The following ZFP62 variants were observed in gnomAD, a reference collection of about 807,000 sequenced individuals.
ZFP62 encodes ZFP62 zinc finger protein.
A neutral mutation model predicts 56.4 loss-of-function variants in ZFP62; 44 were observed. The observed-to-expected ratio is 0.78, with a 90% CI of 0.61 to 1.00. The LOEUF (loss-of-function observed/expected upper bound fraction) is 1.00. Ranked by LOEUF, ZFP62 falls within the 50% of genes least tolerant of loss-of-function variation. ZFP62 has a pLI of 0.00. For missense variants in ZFP62, 1,030 were observed against 1,085.7 expected (o/e 0.95, Z 0.72); for synonymous variants, 421 against 388.9 (o/e 1.08, Z -0.97).
In ZFP62 at chr5:180,849,319, C is replaced by G; in HGVS notation, c.2176G>C (p.Glu726Gln). ...CACTCAACACACTTGAAGGGTTTCTCCCCAAGATGGACTCTTTTATGGCTT... is the reference window on the plus strand; with the variant it reads ...CACTCAACACACTTGAAGGGTTTCTGCCCAAGATGGACTCTTTTATGGCTT... ...LISHKRVHLG[E>Q]KPFKCVECGK... The change falls in exon 2 of 2, where the codon GAG (glutamate) becomes CAG (glutamine). Residue 726 changes from glutamate (E) to glutamine (Q), a missense_variant. Physicochemically the swap from Glu to Gln is conservative, Grantham distance 29. Coordinates refer to ENST00000502412, the MANE Select transcript of ZFP62 (RefSeq NM_001172638.2). 6.4e-7 allele frequency: 1 copy of G among 1,552,200 alleles called. No individual in the cohort carries two copies. The highest frequency in any genetic ancestry group is 8.7e-7 in the Non-Finnish European group (1 of 1,147,146).
chr5:180,845,926 AAT>A (rs1439126256), downstream of ZFP62: 12 of 953,166 alleles, frequency 1.3e-5, no homozygotes, highest in South Asian at 1.5e-4. Flanking sequence ...CAAATTTGCT[AAT>A]AGAGACATGC....
Position 180,851,035 on chromosome 5 carries a change from A to C in ZFP62, c.460T>G (p.Ser154Ala), listed in dbSNP as rs1773675483. ...ATAATTTTATGTTGAACAAGGCGGGAATTATATTTGAAGGATTTCCCACAT... is the reference window on the plus strand; with the variant it reads ...ATAATTTTATGTTGAACAAGGCGGGCATTATATTTGAAGGATTTCCCACAT... ...DECGKSFKYN[S>A]RLVQHKIMHT... The change falls in exon 2 of 2, where the codon TCC (serine) becomes GCC (alanine). Residue 154 changes from serine (S) to alanine (A), a missense_variant. Ser to Ala is a moderately conservative substitution (Grantham distance 99, BLOSUM62 1). Transcript: ENST00000502412. 6.4e-7 allele frequency: 1 copy of C among 1,551,644 alleles called. No individual in the cohort carries two copies. The highest frequency in any genetic ancestry group is 8.7e-7 in the Non-Finnish European group (1 of 1,146,990).
chr5:180,829,792 G>T, the ZFP62 span, among the ~76,000 whole-genome samples: 1,291 of 152,202 alleles, frequency 8.5e-3, 15 homozygotes, highest in African/African-American at 0.022. Context: ...GACACTGAAA[G>T]CCCCGGCCAT....
rs1200295949 is a variant in ZFP62, at chr5:180,851,422, A to G, written c.73T>C (p.Ser25Pro). The G allele has an allele frequency of 4.5e-6, 7 of 1,551,450 alleles. No homozygotes were observed. In the Admixed American group the frequency reaches 7.8e-5, roughly 17 times the overall value. The change falls in exon 2 of 2, where the codon TCT becomes CCT. Residue 25 changes from serine (S) to proline (P), a missense_variant. Ser to Pro is a moderately conservative substitution (Grantham distance 74). Coordinates refer to ENST00000502412, the MANE Select transcript of ZFP62 (RefSeq NM_001172638.2). ...EEYENVGNAA[S>P]KWPKVEDPMP... Reference sequence around the variant, plus strand: ...GGATCCTCCACTTTTGGCCACTTAGATGCTGCATTTCCAACATTTTCATAT... The same window carrying G: ...GGATCCTCCACTTTTGGCCACTTAGGTGCTGCATTTCCAACATTTTCATAT...
In ZFP62 at chr5:180,848,383, T is replaced by C. The variant is rs760311944; in HGVS notation, c.*409A>G. On this transcript the variant is annotated 3_prime_UTR_variant, in exon 2 of 2. Transcript: ENST00000502412. ...AGTTTTCCCACTGACCAATGTGTAA[T>C]TGGGATTCAAAGCTATACCTGAATT... The C allele has an allele frequency of 9.1e-6, 9 of 992,556 alleles. No individual in the cohort carries two copies. The highest frequency in any genetic ancestry group is 1.7e-5 in the African/African-American group (1 of 57,438). The allele number at this position is 992,556 out of a possible 1,614,324, so 61.5% of individuals were successfully genotyped here. A position where few individuals can be genotyped will look rare whatever the true frequency, so the allele number is the denominator to read the frequency against.
chr5:180,847,332 G>A (rs1773438550), downstream of ZFP62, among the ~76,000 whole-genome samples: 1 of 149,838 alleles, frequency 6.7e-6, no homozygotes, highest in Admixed American at 6.7e-5. Context: ...GTTCCTGACA[G>A]AGCTGTGTGT....
chr5:180,856,756 C>G (rs1372028737), intron 1 of ZFP62, among the ~76,000 whole-genome samples: 1 of 151,474 alleles, frequency 6.6e-6, no homozygotes, highest in African/African-American at 2.4e-5. Context: ...AGATCGAGAC[C>G]ATCCTGGCTA....
chr5:180,828,179 C>T, the ZFP62 span, among the ~76,000 whole-genome samples: 4 of 152,200 alleles, frequency 2.6e-5, no homozygotes, highest in Non-Finnish European at 2.9e-5. Context: ...CCAAGTCTCT[C>T]GTTCCACCTA....
intron 1 of ZFP62, among the ~76,000 whole-genome samples, chr5:180,859,499 T>C (rs1370406961): frequency 6.6e-6 from 1 of 152,236 alleles, no homozygotes; most frequent in African/African-American, 2.4e-5. Flanking sequence ...CGTGAGTTGG[T>C]TCTATTGCTT....
At chr5:180,857,587 A>G (rs1461910652) in intron 1 of ZFP62, among the ~76,000 whole-genome samples, 1 of 151,952 alleles carries the variant, frequency 6.6e-6, no homozygotes, top group Non-Finnish European at 1.5e-5. Flanking sequence ...AGCCTCCACC[A>G]CCCAGGTTCA....
chr5:180,851,514 G>C, intron 1 of ZFP62, 21 bp from the exon 2 acceptor site: 1 of 1,506,638 alleles, frequency 6.6e-7, no homozygotes, highest in Non-Finnish European at 8.9e-7. Flanking sequence ...AAAATGAAAA[G>C]GACACCTATT....
intron 1 of ZFP62, among the ~76,000 whole-genome samples, chr5:180,859,653 T>C (rs140631832): frequency 0.027 from 4,078 of 152,284 alleles, 76 homozygotes; most frequent in African/African-American, 0.048. Flanking sequence ...GGGAGGCTGA[T>C]TTTCTGAATC....
chr5:180,827,022 C>G, the ZFP62 span, among the ~76,000 whole-genome samples: 1 of 152,164 alleles, frequency 6.6e-6, no homozygotes, highest in African/African-American at 2.4e-5. Context: ...TAGAGGTTCT[C>G]AAACTGTGGA....
At chr5:180,829,781 C>A in the ZFP62 span, among the ~76,000 whole-genome samples, 1 of 152,040 alleles carries the variant, frequency 6.6e-6, no homozygotes, top group Non-Finnish European at 1.5e-5. Context: ...ACCTCGGAGC[C>A]GACACTGAAA....
Position 180,851,452 on chromosome 5 carries a change from C to T in ZFP62, c.43G>A (p.Glu15Lys). ...GCATTTCCAACATTTTCATATTCTTCAGTTGGTTCCTCATCCTCAGTGCTC... is the reference window on the plus strand; with the variant it reads ...GCATTTCCAACATTTTCATATTCTTTAGTTGGTTCCTCATCCTCAGTGCTC... ...KTSTEDEEPT[E>K]EYENVGNAAS... The change falls in exon 2 of 2, where the codon GAA (glutamate) becomes AAA (lysine). Residue 15 changes from glutamate to lysine, a missense_variant. Transcript: ENST00000502412. The T allele has an allele frequency of 6.4e-7, 1 of 1,550,932 alleles. No individual in the cohort carries two copies. Among genetic ancestry groups the T allele is most frequent in the Non-Finnish European group, 8.7e-7 (1 of 1,146,634 alleles).
At chr5:180,846,708 C>G (rs1399132756), downstream of ZFP62, among the ~76,000 whole-genome samples, 1 of 152,232 alleles carries the variant, frequency 6.6e-6, no homozygotes, top group Non-Finnish European at 1.5e-5. Context: ...CACCTGCAGT[C>G]TTAATTCATC....
chr5:180,827,986 C>T, the ZFP62 span, among the ~76,000 whole-genome samples: 1 of 152,242 alleles, frequency 6.6e-6, no homozygotes, highest in Admixed American at 6.5e-5. Context: ...TGTTTGTCTG[C>T]TGACTCTCTC....
chr5:180,851,879 A>C (rs1773729344), intron 1 of ZFP62: 1 of 308,320 alleles, frequency 3.2e-6, no homozygotes, highest in South Asian at 1.2e-4. Flanking sequence ...TCTGAAGAAG[A>C]CAGAAAAATT....
the ZFP62 span, chr5:180,830,734 A>AGC: frequency 6.6e-6 from 1 of 152,362 alleles, no homozygotes; most frequent in Non-Finnish European, 1.5e-5. Context: ...ATTAAGCAGA[A>AGC]CAGCAGCTAA....
Sources: allele counts gnomAD v4.1 joint callset (sites outside exome capture counted in the v4.1 genomes callset), GRCh38; gene constraint gnomAD v4.1.1; transcripts MANE v1.5; gene names NCBI Gene and HGNC (gene_info 2026-07-23, HGNC 2026-07-21).